Variants in WHRN observed in about 807,000 individuals in gnomAD.
WHRN encodes CASK-interacting protein CIP98.
In WHRN, 41 loss-of-function variants were observed where a neutral mutation model predicts 68.3. The observed-to-expected ratio is 0.60, with a 90% CI of 0.47 to 0.78. The LOEUF (loss-of-function observed/expected upper bound fraction) is 0.78, where lower values mean the gene tolerates loss of function less well. WHRN is among the 30% of genes least tolerant of loss of function. The pLI is 0.00. For synonymous variants in WHRN, 560 were observed against 561.3 expected (o/e 1.00, Z 0.03); for missense variants, 1,243 against 1,244.7 (o/e 1.00, Z 0.02).
At chr9:114,489,284 G>A (rs1038007040) in intron 1 of WHRN, among the ~76,000 whole-genome samples, 5 of 152,066 alleles carry the variant, frequency 3.3e-5, no homozygotes, top group African/African-American at 4.8e-5. Context: ...AGAAATGAAA[G>A]GATGCTTTCT....
chr9:114,457,089 G>A (rs1839873044), intron 3 of WHRN, among the ~76,000 whole-genome samples: 2 of 152,174 alleles, frequency 1.3e-5, no homozygotes, highest in Admixed American at 1.3e-4. Context: ...ATGTGTGCAT[G>A]CATGAGTCAT....
chr9:114,502,974 C>T (rs556699295), intron 1 of WHRN: 2 of 211,050 alleles, frequency 9.5e-6, no homozygotes, highest in Non-Finnish European at 1.6e-5. Context: ...ATAAACCGAT[C>T]GGCCTTTTTC....
At chr9:114,459,151 A>G (rs1024343402) in intron 3 of WHRN, among the ~76,000 whole-genome samples, 2 of 152,144 alleles carry the variant, frequency 1.3e-5, no homozygotes, top group African/African-American at 4.8e-5. Context: ...AAGTGCTCCC[A>G]ATTTATAGAT....
At chr9:114,424,018 C>G (rs900792197) in intron 6 of WHRN, among the ~76,000 whole-genome samples, 1 of 152,212 alleles carries the variant, frequency 6.6e-6, no homozygotes, top group Non-Finnish European at 1.5e-5. Flanking sequence ...CAGCTGGCTC[C>G]CATCCCCAGA....
At chr9:114,472,866 C>T in intron 2 of WHRN, among the ~76,000 whole-genome samples, 1 of 152,258 alleles carries the variant, frequency 6.6e-6, no homozygotes, top group East Asian at 1.9e-4. Context: ...AACAGCCTCA[C>T]ATGGCTGGCA....
intron 1 of WHRN, among the ~76,000 whole-genome samples, chr9:114,503,393 C>T (rs1053622827): frequency 2.0e-5 from 3 of 152,136 alleles, no homozygotes; most frequent in Non-Finnish European, 4.4e-5. Flanking sequence ...ACCCTGGACC[C>T]AACACTATCC....
At chr9:114,468,761 A>C (rs1053826697) in intron 2 of WHRN, among the ~76,000 whole-genome samples, 1 of 152,116 alleles carries the variant, frequency 6.6e-6, no homozygotes, top group Non-Finnish European at 1.5e-5. Flanking sequence ...GATGTTCTGG[A>C]AACAGCAGGC....
At chr9:114,443,702 G>GTTACCACAAATA (rs1308663167) in intron 3 of WHRN, among the ~76,000 whole-genome samples, 1 of 152,186 alleles carries the variant, frequency 6.6e-6, no homozygotes, top group Non-Finnish European at 1.5e-5. Flanking sequence ...CCATTAGTGT[G>GTTACCACAAATA]CCTCCCATAT....
chr9:114,434,823 A>T (rs1489101342), intron 3 of WHRN, among the ~76,000 whole-genome samples: 1 of 152,148 alleles, frequency 6.6e-6, no homozygotes, highest in Admixed American at 6.5e-5. Flanking sequence ...CTCCTTTAAA[A>T]TGCCCCAGTA....
intron 7 of WHRN, among the ~76,000 whole-genome samples, chr9:114,421,618 G>C (rs1412705037): frequency 6.6e-6 from 1 of 152,234 alleles, no homozygotes; most frequent in East Asian, 1.9e-4. Flanking sequence ...TTTTAGAGCA[G>C]TGGCTCATGG....
chr9:114,427,262 C>T (rs554549250), intron 3 of WHRN, among the ~76,000 whole-genome samples: 1 of 152,226 alleles, frequency 6.6e-6, no homozygotes, highest in Admixed American at 6.5e-5. Context: ...TCTCTTTTTA[C>T]AAAAATACTT....
At chr9:114,490,991 CTGTT>C (rs1209478040) in intron 1 of WHRN, among the ~76,000 whole-genome samples, 1 of 152,060 alleles carries the variant, frequency 6.6e-6, no homozygotes, top group East Asian at 1.9e-4. Flanking sequence ...TAAGTTTTGT[CTGTT>C]TATTCTTTTT....
rs766912207 is a variant in WHRN at position 114,504,671 on chromosome 9, T to C, written c.131A>G (p.Gln44Arg). 6.2e-7 allele frequency: 1 copy of C among 1,601,782 alleles called. No homozygotes were observed. Among genetic ancestry groups the C allele is most frequent in the African/African-American group, 1.3e-5 (1 of 74,628 alleles). The change falls in exon 1 of 12, where the codon CAA becomes CGA. Residue 44 changes from glutamine to arginine, a missense_variant. Transcript: ENST00000362057. ...CTCGCTCAGCAGCGCGGTCAGCGCT[T>C]GGTGCAGCTGGCGCACGTTGGCAGA... The part of the protein sequence containing the change: ...LLSANVRQLH[Q>R]ALTALLSEAE...
intron 7 of WHRN, among the ~76,000 whole-genome samples, chr9:114,420,685 C>A (rs1444600716): frequency 2.0e-5 from 3 of 152,096 alleles, no homozygotes; most frequent in Admixed American, 2.0e-4. Flanking sequence ...AGACCCTCCA[C>A]GAGTCCCCAA....
chr9:114,460,502 AAGG>A (rs1840155861), intron 3 of WHRN, among the ~76,000 whole-genome samples: 1 of 152,236 alleles, frequency 6.6e-6, no homozygotes, highest in African/African-American at 2.4e-5. Flanking sequence ...TAAAGGAACA[AAGG>A]AGGTTTTGTG....
At chr9:114,441,959 C>T (rs898033264) in intron 3 of WHRN, among the ~76,000 whole-genome samples, 8 of 152,110 alleles carry the variant, frequency 5.3e-5, no homozygotes, top group Admixed American at 6.6e-5. Context: ...TCACTAATAA[C>T]GGGACAAACT....
intron 3 of WHRN, among the ~76,000 whole-genome samples, chr9:114,455,804 C>G (rs1839739959): frequency 6.6e-6 from 1 of 151,694 alleles, no homozygotes; most frequent in African/African-American, 2.4e-5. Context: ...GGTGTTATAT[C>G]TCAATAAACC....
Position 114,423,424 on chromosome 9 carries a change from G to A in WHRN, c.1516C>T (p.Arg506Trp), listed in dbSNP as rs1311654091. 15 of 1,613,990 alleles carry A rather than the reference G, an allele frequency of 9.3e-6. No homozygotes were observed. Among genetic ancestry groups the A allele is most frequent in the East Asian group, 4.5e-5 (2 of 44,878 alleles). ...CCAGCCCCGGGGCCTGGGGGCTGCC[G>A]CGCCTTCATGGACTCAATCTCACGC... ...LRREIESMKARQPPGPGAGDT... is the reference protein window; with the variant it reads ...LRREIESMKAWQPPGPGAGDT... The change falls in exon 7 of 12, where the codon CGG (arginine) becomes TGG (tryptophan). Residue 506 changes from arginine (R) to tryptophan (W), a missense_variant. By Grantham distance (101) the Arg-to-Trp change is moderately radical. Coordinates refer to ENST00000362057, the MANE Select transcript of WHRN (RefSeq NM_015404.4).
chr9:114,410,910 A>G (rs1290268093), intron 7 of WHRN, among the ~76,000 whole-genome samples: 3 of 152,158 alleles, frequency 2.0e-5, no homozygotes, highest in African/African-American at 7.2e-5. Flanking sequence ...GGCTCTGCCA[A>G]CTCTGAGGCT....
Sources: allele counts gnomAD v4.1 joint callset (sites outside exome capture counted in the v4.1 genomes callset), GRCh38; gene constraint gnomAD v4.1.1; transcripts MANE v1.5; gene names NCBI Gene and HGNC (gene_info 2026-07-23, HGNC 2026-07-21).